TENM3: variants seen among roughly 807,000 people sequenced by gnomAD.
TENM3 encodes the protein teneurin-3.
TENM3 carries 63 observed loss-of-function variants against 255.1 expected under a neutral mutation model. The observed-to-expected ratio is 0.25, with a 90% confidence interval of 0.20 to 0.30. The LOEUF (loss-of-function observed/expected upper bound fraction) is 0.30, where lower values mean the gene tolerates loss of function less well. TENM3 is among the 10% of genes least tolerant of loss of function. The probability of loss-of-function intolerance (pLI) is 1.00; values close to 1 mark genes in which losing one functional copy is unlikely to be tolerated. For missense variants in TENM3, 2,929 were observed against 3,461.1 expected (o/e 0.85, Z 3.86); for synonymous variants, 1,306 against 1,322.3 (o/e 0.99, Z 0.27).
the TENM3 span, among the ~76,000 whole-genome samples, chr4:181,782,357 A>T: frequency 6.6e-6 from 1 of 152,082 alleles, no homozygotes; most frequent in African/African-American, 2.4e-5. Context: ...GGGAGGGTGT[A>T]TGTGTCCAGG....
chr4:182,295,320 T>C (rs1366378268), intron 1 of TENM3, among the ~76,000 whole-genome samples: 1 of 139,348 alleles, frequency 7.2e-6, no homozygotes, highest in African/African-American at 2.8e-5. Context: ...CAGACTGGAG[T>C]GCAGTGATGC....
intron 3 of TENM3, among the ~76,000 whole-genome samples, chr4:182,367,670 A>G (rs942202908): frequency 2.0e-5 from 3 of 152,204 alleles, no homozygotes; most frequent in Admixed American, 1.3e-4. Flanking sequence ...GAAAAGCCAT[A>G]GAAAGATAGT....
At chr4:182,594,763 A>G (rs1277319064) in intron 3 of TENM3, among the ~76,000 whole-genome samples, 1 of 149,380 alleles carries the variant, frequency 6.7e-6, no homozygotes, top group African/African-American at 2.5e-5. Context: ...TCTGTTACCC[A>G]GACTGGAGTG....
chr4:182,571,168 C>T (rs948422541), intron 3 of TENM3, among the ~76,000 whole-genome samples: 1 of 152,154 alleles, frequency 6.6e-6, no homozygotes, highest in African/African-American at 2.4e-5. Context: ...AAGGCCCAGG[C>T]TATGAAGATG....
chr4:182,546,602 A>G (rs1741478008), intron 3 of TENM3, among the ~76,000 whole-genome samples: 1 of 151,676 alleles, frequency 6.6e-6, no homozygotes, highest in Non-Finnish European at 1.5e-5. Context: ...TGCCTGGCTG[A>G]CATTTATCTT....
chr4:181,893,143 A>G, the TENM3 span, among the ~76,000 whole-genome samples: 1 of 152,270 alleles, frequency 6.6e-6, no homozygotes, highest in Non-Finnish European at 1.5e-5. Context: ...GTTTATATGT[A>G]TTCTCATTTA....
chr4:182,142,704 G>A (rs977698814), upstream of TENM3: 5 of 165,870 alleles, frequency 3.0e-5, no homozygotes, highest in African/African-American at 1.2e-4. Context: ...GCGACGGCCG[G>A]GGCAGGCCTG....
At chr4:182,623,171 C>CG (rs1213463212) in intron 4 of TENM3, among the ~76,000 whole-genome samples, 1 of 151,134 alleles carries the variant, frequency 6.6e-6, no homozygotes, top group Admixed American at 6.6e-5. Flanking sequence ...CCACCACGCC[C>CG]GGCTAAATTT....
the TENM3 span, among the ~76,000 whole-genome samples, chr4:181,927,062 G>A: frequency 6.6e-6 from 1 of 152,152 alleles, no homozygotes; most frequent in Non-Finnish European, 1.5e-5. Flanking sequence ...AGAGCCCTGG[G>A]TTTCAATCAC....
At chr4:181,533,466 G>GT in the TENM3 span, among the ~76,000 whole-genome samples, 2 of 152,114 alleles carry the variant, frequency 1.3e-5, no homozygotes, top group African/African-American at 4.8e-5. Context: ...ACAACAACAT[G>GT]TGTTTCCATA....
chr4:182,061,325 T>C, the TENM3 span, among the ~76,000 whole-genome samples: 102 of 152,282 alleles, frequency 6.7e-4, no homozygotes, highest in African/African-American at 2.4e-3. Flanking sequence ...ACTCACTCCA[T>C]CTAGCTGCTT....
At chr4:181,656,367 A>C in the TENM3 span, among the ~76,000 whole-genome samples, 1 of 152,200 alleles carries the variant, frequency 6.6e-6, no homozygotes, top group African/African-American at 2.4e-5. Context: ...TATGCAAGAG[A>C]GTAACATGAA....
the TENM3 span, among the ~76,000 whole-genome samples, chr4:181,985,480 G>C: frequency 6.6e-6 from 1 of 152,070 alleles, no homozygotes; most frequent in Admixed American, 6.6e-5. Flanking sequence ...TTGTGAATGA[G>C]GGGAATAGAT....
At chr4:181,602,305 C>G in the TENM3 span, among the ~76,000 whole-genome samples, 4 of 152,132 alleles carry the variant, frequency 2.6e-5, no homozygotes, top group Non-Finnish European at 5.9e-5. Context: ...AAGCTTTGTC[C>G]TCACTATTTT....
At chr4:181,839,657 G>A in the TENM3 span, among the ~76,000 whole-genome samples, 4 of 150,792 alleles carry the variant, frequency 2.7e-5, no homozygotes, top group East Asian at 2.0e-4. Flanking sequence ...ATTTTAGATC[G>A]AGAAGTTTGG....
the TENM3 span, among the ~76,000 whole-genome samples, chr4:181,796,615 A>G: frequency 2.0e-5 from 3 of 152,168 alleles, no homozygotes; most frequent in African/African-American, 4.8e-5. Flanking sequence ...GGGCCCACAC[A>G]TGAGAGGCGA....
At chr4:181,668,007 G>A in the TENM3 span, among the ~76,000 whole-genome samples, 2 of 152,140 alleles carry the variant, frequency 1.3e-5, no homozygotes, top group African/African-American at 4.8e-5. Flanking sequence ...CTGAGAAACT[G>A]TGTGTGTGTA....
chr4:181,774,002 T>TG, the TENM3 span, among the ~76,000 whole-genome samples: 2 of 60,486 alleles, frequency 3.3e-5, no homozygotes, highest in South Asian at 1.5e-3. Context: ...CTGGTGGCTG[T>TG]GTTTTTTTTT....
At chr4:181,575,160 C>T in the TENM3 span, among the ~76,000 whole-genome samples, 11 of 151,990 alleles carry the variant, frequency 7.2e-5, no homozygotes, top group Non-Finnish European at 1.2e-4. Context: ...TTTTTGTTAT[C>T]CTTGTAGCTA....
Sources: gnomAD v4.1 joint callset for allele counts (sites outside exome capture counted in the v4.1 genomes callset) on GRCh38, gnomAD v4.1.1 for gene constraint, MANE v1.5 for transcripts, NCBI Gene and HGNC (gene_info 2026-07-23, HGNC 2026-07-21) for gene names.